RASGRF1: variants seen among roughly 807,000 people sequenced by gnomAD.
RASGRF1 encodes the protein ras-specific guanine nucleotide-releasing factor 1.
Under a neutral mutation model 138.7 loss-of-function variants are expected in RASGRF1, and 40 were observed. The ratio of observed to expected loss-of-function variants is 0.29; its 90% CI spans 0.22 to 0.38. The LOEUF (loss-of-function observed/expected upper bound fraction) is 0.38, where lower values mean the gene tolerates loss of function less well. Ranked by LOEUF, RASGRF1 falls within the 10% of genes least tolerant of loss-of-function variation. The pLI, the probability that RASGRF1 is intolerant of heterozygous loss-of-function variation, is 1.00. For synonymous variants in RASGRF1, 614 were observed against 663.2 expected, an observed-to-expected ratio of 0.93 and a Z score of 1.14; for missense variants, 1,108 against 1,650.4, an observed-to-expected ratio of 0.67 and a Z score of 5.69.
intron 26 of RASGRF1, among the ~76,000 whole-genome samples, chr15:78,968,250 A>ATGTGTGGGTG (rs1555449271): frequency 7.5e-6 from 1 of 134,226 alleles, no homozygotes; most frequent in Non-Finnish European, 1.7e-5. Flanking sequence ...CATGACACTG[A>ATGTGTGGGTG]TGTGTGTGTG....
intron 12 of RASGRF1, among the ~76,000 whole-genome samples, chr15:79,017,509 A>T (rs909779326): frequency 1.3e-5 from 2 of 152,188 alleles, no homozygotes; most frequent in African/African-American, 4.8e-5. Context: ...TGAAGTTTTT[A>T]AAATCACCTT....
intron 26 of RASGRF1, among the ~76,000 whole-genome samples, chr15:78,968,233 T>C (rs1038465086): frequency 7.5e-6 from 1 of 133,820 alleles, no homozygotes; most frequent in Non-Finnish European, 1.6e-5. Flanking sequence ...TAGTCTTTTT[T>C]ATTTTTCATG....
intron 10 of RASGRF1, among the ~76,000 whole-genome samples, chr15:79,020,572 G>A (rs189586231): frequency 6.6e-6 from 1 of 152,360 alleles, no homozygotes; most frequent in East Asian, 1.9e-4. Flanking sequence ...AGACAGAGAA[G>A]TTGCATGTCT....
chr15:79,069,554 T>C (rs536949919), intron 1 of RASGRF1, among the ~76,000 whole-genome samples: 547 of 152,360 alleles, frequency 3.6e-3, no homozygotes, highest in Non-Finnish European at 6.6e-3. Flanking sequence ...TTTATCCTGC[T>C]TTCCAGCCAG....
At chr15:79,000,221 C>T (rs1037733083) in intron 16 of RASGRF1, among the ~76,000 whole-genome samples, 36 of 152,240 alleles carry the variant, frequency 2.4e-4, no homozygotes, top group African/African-American at 8.7e-4. Flanking sequence ...CTCTCAGGTC[C>T]AGCAGGGCAC....
chr15:79,022,365 G>T (rs1472320788), intron 10 of RASGRF1, among the ~76,000 whole-genome samples: 2 of 151,906 alleles, frequency 1.3e-5, no homozygotes. Context: ...TCTTGAACCT[G>T]GGAGGCAGAG....
chr15:79,072,349 C>T lies in RASGRF1; in HGVS notation c.277-7823G>A, dbSNP rs570813812. Among the ~76,000 whole-genome samples the T allele has an allele frequency of 1.3e-3, 163 of 129,026 alleles. 1 individual carries two copies. The highest frequency in any genetic ancestry group is 4.4e-3 in the African/African-American group (158 of 36,126). The allele number at this position is 129,026 out of a possible 152,430, so 84.6% of individuals were successfully genotyped here. ...GGAGTGCAGTGGCATGATCTTAGCT[C>T]ACTGCAAGCTCTGCCTCCCGGGTTC... is the stretch of plus-strand genomic sequence containing the variant. On this transcript the variant is annotated intron_variant, in intron 1 of 26. Coordinates refer to ENST00000558480, the MANE Select transcript of RASGRF1 (RefSeq NM_001145648.3).
chr15:79,057,306 C>A (rs906938754), intron 3 of RASGRF1, among the ~76,000 whole-genome samples: 1 of 152,228 alleles, frequency 6.6e-6, no homozygotes, highest in Admixed American at 6.5e-5. Flanking sequence ...CTACTGCGCA[C>A]TTCCTGGCAG....
chr15:79,047,672 T>C (rs920903974), intron 4 of RASGRF1, among the ~76,000 whole-genome samples: 1 of 152,198 alleles, frequency 6.6e-6, no homozygotes, highest in Non-Finnish European at 1.5e-5. Context: ...CTCAGTTGCC[T>C]TGGAGCTGGG....
At chr15:78,984,894 C>T (rs1217942790) in intron 23 of RASGRF1, 113 bp downstream of exon 23, 6 of 1,196,042 alleles carry the variant, frequency 5.0e-6, no homozygotes, top group Non-Finnish European at 7.3e-6. Flanking sequence ...AGTGTTAGAC[C>T]TCAGCCCAGT....
intron 20 of RASGRF1, among the ~76,000 whole-genome samples, chr15:78,994,268 G>A (rs750595445): frequency 3.3e-5 from 5 of 152,268 alleles, no homozygotes; most frequent in Non-Finnish European, 7.3e-5. Context: ...TGGACCACGT[G>A]TGGGTTCCTG....
At chr15:78,994,926 C>CTTTTTTTTTTT (rs72369256) in intron 20 of RASGRF1, among the ~76,000 whole-genome samples, 1 of 136,058 alleles carries the variant, frequency 7.3e-6, no homozygotes. Flanking sequence ...CTTCCAGCAC[C>CTTTTTTTTTTT]TTTTTTTTTT....
At position 78,999,756 on chromosome 15, in the gene RASGRF1, G is replaced by C; in HGVS notation, c.2733C>G (p.Ser911=). Residue 911 remains serine, a synonymous_variant, in exon 17 of 27, where the codon TCC becomes TCG. Transcript: ENST00000558480. ...CACCCCACATACCTGCACTGGCTAA[G>C]GACATCCTCCGGTACTTCTCCTTGT... ...TPNKEKYRRM[S]LASAGFPPDQ... 1 of 1,613,848 alleles carries C rather than the reference G, an allele frequency of 6.2e-7. No homozygotes were observed. The highest frequency in any genetic ancestry group is 8.5e-7 in the Non-Finnish European group (1 of 1,179,938).
At chr15:78,968,694 G>A (rs1482638559) in intron 26 of RASGRF1, among the ~76,000 whole-genome samples, 1 of 152,194 alleles carries the variant, frequency 6.6e-6, no homozygotes, top group African/African-American at 2.4e-5. Flanking sequence ...CAGCCTGCAT[G>A]TGCCAATTTT....
chr15:79,074,922 G>T (rs2057812776), intron 1 of RASGRF1, among the ~76,000 whole-genome samples: 1 of 152,194 alleles, frequency 6.6e-6, no homozygotes, highest in Admixed American at 6.5e-5. Context: ...AACCTGATTT[G>T]AGATTCCACC....
chr15:78,991,785 C>A lies in RASGRF1; in HGVS notation c.3037G>T (p.Val1013Leu), dbSNP rs28603308. The A allele has an allele frequency of 0.018, 28,689 of 1,612,024 alleles. 310 individuals are homozygous for A. Among genetic ancestry groups the A allele is most frequent in the Non-Finnish European group, 0.021 (24,339 of 1,178,250 alleles). The part of the protein sequence containing the change: ...LEEITQMAEG[V>L]KAEPFENHSA... ...TGGTTTTCAAAGGGCTCAGCCTTCA[C>A]GCCTTCAGCCTGGTTTTGAGTTGGG... Residue 1013 changes from valine (V) to leucine (L), a missense_variant, in exon 21 of 27, where the codon GTG becomes TTG. Physicochemically the swap from Val to Leu is conservative, Grantham distance 32 (BLOSUM62 1). This residue lies in a region of RASGRF1 where 686 missense variants were observed against 976.7 expected (regional missense o/e 0.70). Transcript: ENST00000558480.
chr15:78,990,067 A>T, intron 22 of RASGRF1, 122 bp downstream of exon 22: 5 of 815,408 alleles, frequency 6.1e-6, no homozygotes, highest in Non-Finnish European at 1.1e-5. Context: ...AAGGGGTGGC[A>T]GGGCTGGAGA....
chr15:79,034,885 T>G (rs1822471), intron 6 of RASGRF1, among the ~76,000 whole-genome samples: 114,528 of 152,198 alleles, frequency 0.75, 43,880 homozygotes, highest in Admixed American at 0.84. Context: ...CAATTTTTCT[T>G]AAATGGATGT....
intron 20 of RASGRF1, 119 bp downstream of exon 20, chr15:78,995,621 G>A (rs2056375217): frequency 4.0e-6 from 5 of 1,247,108 alleles, no homozygotes; most frequent in East Asian, 2.3e-5. Flanking sequence ...CCAGTTTGTG[G>A]TATTTTTTCA....
Sources: allele counts gnomAD v4.1 joint callset (sites outside exome capture counted in the v4.1 genomes callset), GRCh38; gene constraint gnomAD v4.1.1; regional missense constraint gnomAD v4.1.1; transcripts MANE v1.5; gene names NCBI Gene and HGNC (gene_info 2026-07-23, HGNC 2026-07-21).